LMTK2: variants seen among roughly 807,000 people sequenced by gnomAD.
The protein encoded by LMTK2 is lemur tail kinase 2.
In LMTK2, 37 loss-of-function variants were observed where a neutral mutation model predicts 127.5. That is an observed-to-expected ratio of 0.29 (90% CI 0.22 to 0.38). The LOEUF is 0.38. Among genes scored for constraint, LMTK2 ranks in the 10% least tolerant of loss-of-function variants. LMTK2 has a pLI of 1.00. For synonymous variants in LMTK2, 819 were observed against 810.1 expected, an observed-to-expected ratio of 1.01 and a Z score of -0.19; for missense variants, 1,694 against 1,920.3, an observed-to-expected ratio of 0.88 and a Z score of 2.20.
intron 2 of LMTK2, among the ~76,000 whole-genome samples, chr7:98,137,822 A>C (rs1370085651): frequency 6.6e-6 from 1 of 152,192 alleles, no homozygotes; most frequent in Non-Finnish European, 1.5e-5. Flanking sequence ...GTGGTGATTG[A>C]ATTCACTGTT....
chr7:98,195,868 T>C (rs1797615623), intron 11 of LMTK2, among the ~76,000 whole-genome samples: 1 of 152,156 alleles, frequency 6.6e-6, no homozygotes, highest in Non-Finnish European at 1.5e-5. Flanking sequence ...AGCTATAGCA[T>C]ATATGGCGGG....
In LMTK2 at chr7:98,174,593, CA is replaced by C. The variant is rs1419852680; in HGVS notation, c.791+2920del. ...ACCAGGTCGCTGTGATGAGCTGAGC[CA>C]GGGGGTTCTCATGGGCGGCCTGCCT... On this transcript the variant is annotated intron_variant, in intron 7 of 13. Coordinates refer to ENST00000297293, the MANE Select transcript of LMTK2 (RefSeq NM_014916.4). Among the ~76,000 whole-genome samples the C allele has an allele frequency of 3.3e-5, 5 of 152,318 alleles. No individual in the cohort carries two copies. In the East Asian group the frequency reaches 9.7e-4, roughly 29 times the overall value.
intron 13 of LMTK2, 43 bp from the exon 14 acceptor site, chr7:98,205,421 T>A: frequency 6.2e-7 from 1 of 1,613,342 alleles, no homozygotes. Context: ...CTGATCATTT[T>A]AAAAACCCAG....
intron 7 of LMTK2, among the ~76,000 whole-genome samples, chr7:98,172,198 C>A (rs1231920460): frequency 6.6e-6 from 1 of 152,228 alleles, no homozygotes; most frequent in South Asian, 2.1e-4. Context: ...GATGAGGCCC[C>A]CCGCTCCCGG....
At chr7:98,124,296 A>G (rs118082687) in intron 1 of LMTK2, among the ~76,000 whole-genome samples, 16 of 152,250 alleles carry the variant, frequency 1.1e-4, no homozygotes, top group African/African-American at 2.9e-4. Flanking sequence ...GAGCCTCACC[A>G]TGTACTGTCT....
intron 1 of LMTK2, among the ~76,000 whole-genome samples, chr7:98,108,099 G>A (rs1796144614): frequency 1.3e-5 from 2 of 152,146 alleles, no homozygotes; most frequent in African/African-American, 4.8e-5. Flanking sequence ...TTTGAAATGG[G>A]GAAAGATTGA....
intron 7 of LMTK2, among the ~76,000 whole-genome samples, chr7:98,182,892 C>G (rs1797375879): frequency 6.6e-6 from 1 of 152,224 alleles, no homozygotes; most frequent in Non-Finnish European, 1.5e-5. Context: ...TCCTCTCAGC[C>G]AAGGACATCT....
At position 98,194,535 on chromosome 7, in the gene LMTK2, C is replaced by T. The variant is rs748950069; in HGVS notation, c.4070C>T (p.Thr1357Met). The change falls in exon 11 of 14, where the codon ACG becomes ATG. Residue 1357 changes from threonine (T) to methionine (M), a missense_variant. Thr to Met is a moderately conservative substitution (Grantham distance 81). Around this residue, in one of 8 missense-constraint regions of LMTK2, gnomAD observed 554 missense variants for 567.7 expected, o/e 0.98. Transcript: ENST00000297293. This position sits in a 1 kb window ranked among gnomAD's most constrained non-coding sequence, Gnocchi z 5.4. ...TGGAAGAAGGAAAAGAAGGCAGTCACGTTTTTCGATGATGTCACAGTCTAC... is the reference window on the plus strand; with the variant it reads ...TGGAAGAAGGAAAAGAAGGCAGTCATGTTTTTCGATGATGTCACAGTCTAC... ...EDWKKEKKAV[T>M]FFDDVTVYLF... 13 of 1,610,110 alleles carry T rather than the reference C, an allele frequency of 8.1e-6. No homozygotes were observed. Among genetic ancestry groups the T allele is most frequent in the East Asian group, 2.2e-5 (1 of 44,884 alleles).
chr7:98,160,066 A>G (rs535062028), intron 6 of LMTK2, among the ~76,000 whole-genome samples: 5 of 152,292 alleles, frequency 3.3e-5, no homozygotes, highest in Non-Finnish European at 4.4e-5. Context: ...CTTTTCCCGC[A>G]TGCAGAATAT....
At chr7:98,108,852 C>A (rs1317356225) in intron 1 of LMTK2, among the ~76,000 whole-genome samples, 3 of 138,284 alleles carry the variant, frequency 2.2e-5, no homozygotes, top group African/African-American at 7.8e-5. Flanking sequence ...TGTCTGCCTG[C>A]ACACTTTTTT....
chr7:98,170,418 A>G (rs958695328), intron 6 of LMTK2, among the ~76,000 whole-genome samples: 2 of 152,322 alleles, frequency 1.3e-5, no homozygotes, highest in African/African-American at 4.8e-5. Context: ...TTGTAAAGGA[A>G]TACTGTGTTT....
At chr7:98,110,940 G>A (rs1448159464) in intron 1 of LMTK2, among the ~76,000 whole-genome samples, 1 of 152,196 alleles carries the variant, frequency 6.6e-6, no homozygotes. Flanking sequence ...TAAAGTAAAG[G>A]AAATGCTTTC....
rs1180258954 is a variant in LMTK2, at chr7:98,185,113, G to C, written c.854G>C (p.Gly285Ala). The stretch of plus-strand genomic sequence containing the variant: ...TTAAATGTGAAAGTGGGAGATTACG[G>C]AATAGGATTCAGCAGGTACAAGGTA... ...SDLNVKVGDY[G>A]IGFSRYKEDY... Residue 285 changes from glycine (G) to alanine (A), a missense_variant, in exon 8 of 14, where the codon GGA (glycine) becomes GCA (alanine). Gly to Ala is a moderately conservative substitution (Grantham distance 60). Transcript: ENST00000297293. 6.2e-7 allele frequency: 1 copy of C among 1,612,050 alleles called. No homozygotes were observed. The highest frequency in any genetic ancestry group is 1.7e-5 in the Admixed American group (1 of 60,008).
intron 4 of LMTK2, among the ~76,000 whole-genome samples, chr7:98,153,013 G>T (rs1016132356): frequency 2.6e-5 from 4 of 152,210 alleles, no homozygotes; most frequent in African/African-American, 7.2e-5. Context: ...TGAACTGGAA[G>T]AATGGAGTTG....
Position 98,134,174 on chromosome 7 carries a change from G to T in LMTK2, c.104-3141G>T, listed in dbSNP as rs142882349. ...GCATATCAGTTTCTTCATCTGTGAC[G>T]TGGAGCTGGTCGTATTACCTCAGAG... On this transcript the variant is annotated intron_variant, in intron 1 of 13. Coordinates refer to ENST00000297293, the MANE Select transcript of LMTK2 (RefSeq NM_014916.4). Among the ~76,000 whole-genome samples, 151 of 152,312 alleles carry T rather than the reference G, an allele frequency of 9.9e-4. 1 individual carries two copies. The highest frequency in any genetic ancestry group is 3.5e-3 in the African/African-American group (147 of 41,566).
chr7:98,119,193 T>C (rs1796328531), intron 1 of LMTK2, among the ~76,000 whole-genome samples: 1 of 152,204 alleles, frequency 6.6e-6, no homozygotes, highest in Non-Finnish European at 1.5e-5. Flanking sequence ...TTATAATAGT[T>C]TTCTGGTTAT....
rs1248639863 is a variant in LMTK2, at chr7:98,167,406, C to G, written c.658-4135C>G. Among the ~76,000 whole-genome samples the G allele has an allele frequency of 2.0e-5, 3 of 152,158 alleles. No individual in the cohort carries two copies. In the East Asian group the frequency reaches 5.8e-4, roughly 29 times the overall value. ...TTGGATTTATGTTTTCAGGGACTGG[C>G]TTTGGCTGCTCAGGCGAATGGATGC... On this transcript the variant is annotated intron_variant, in intron 6 of 13. Transcript: ENST00000297293.
chr7:98,154,660 G>A (rs1584267290), intron 4 of LMTK2, 98 bp from the exon 5 acceptor site: 2 of 757,778 alleles, frequency 2.6e-6, no homozygotes. Context: ...CCTGCTTATT[G>A]CTTAACTTGT....
At position 98,171,129 on chromosome 7, in the gene LMTK2, G is replaced by A. The variant is rs1294668883; in HGVS notation, c.658-412G>A. 2.6e-5 allele frequency among the ~76,000 whole-genome samples: 4 copies of A among 151,986 alleles called. No individual in the cohort carries two copies. Among genetic ancestry groups the A allele is most frequent in the South Asian group, 2.1e-4 (1 of 4,820 alleles). On this transcript the variant is annotated intron_variant, in intron 6 of 13. Coordinates refer to ENST00000297293, the MANE Select transcript of LMTK2 (RefSeq NM_014916.4). The surrounding 1 kb of genome is among the most constrained non-coding windows in gnomAD (Gnocchi z 5.1). ...TCCTCCAAGCTTTGGCAGTAACCAC[G>A]GCGCCTTCGTGATGAAGCGCTCACT...
Sources: allele counts gnomAD v4.1 joint callset (sites outside exome capture counted in the v4.1 genomes callset), GRCh38; gene constraint gnomAD v4.1.1; regional missense constraint gnomAD v4.1.1; non-coding constraint Gnocchi (gnomAD v3.1); transcripts MANE v1.5; gene names NCBI Gene and HGNC (gene_info 2026-07-23, HGNC 2026-07-21).